The following KAZN variants were observed in gnomAD, a reference collection of about 807,000 sequenced individuals.
The protein encoded by KAZN is kazrin, periplakin interacting protein, also known as kazrin.
A neutral mutation model predicts 87.4 loss-of-function variants in KAZN; 40 were observed. That is an observed-to-expected ratio of 0.46 (90% confidence interval 0.36 to 0.60). The LOEUF (loss-of-function observed/expected upper bound fraction) is 0.60, where lower values mean the gene tolerates loss of function less well. Among genes scored for constraint, KAZN ranks in the 20% least tolerant of loss-of-function variants. The probability of loss-of-function intolerance (pLI) is 0.00; values close to 1 mark genes in which losing one functional copy is unlikely to be tolerated. For missense variants in KAZN, 898 were observed against 1,073.9 expected, an observed-to-expected ratio of 0.84 and a Z score of 2.29; for synonymous variants, 466 against 458.3, an observed-to-expected ratio of 1.02 and a Z score of -0.22.
intron 2 of KAZN, among the ~76,000 whole-genome samples, chr1:14,984,622 C>T (rs1253031045): frequency 2.0e-5 from 3 of 152,136 alleles, no homozygotes; most frequent in Non-Finnish European, 4.4e-5. Context: ...CCACATCTCT[C>T]TATTTCTTGA....
intron 3 of KAZN, 59 bp downstream of exon 3, chr1:15,034,944 C>A (rs1672112823): frequency 3.1e-6 from 5 of 1,594,826 alleles, no homozygotes; most frequent in Admixed American, 3.4e-5. Flanking sequence ...ACCTCCCCTG[C>A]TGGCTGGCCA....
At chr1:13,992,808 A>G (rs1639345793) in intron 1 of KAZN, among the ~76,000 whole-genome samples, 1 of 152,026 alleles carries the variant, frequency 6.6e-6, no homozygotes, top group Non-Finnish European at 1.5e-5. Flanking sequence ...GAGGAGAAAA[A>G]CCAGCTCATC....
At position 14,996,882 on chromosome 1, in the gene KAZN, T is replaced by A; in HGVS notation, c.418+36007T>A. Among the ~76,000 whole-genome samples, 1 of 152,148 alleles carries A rather than the reference T, an allele frequency of 6.6e-6. No homozygotes were observed. The highest frequency in any genetic ancestry group is 1.9e-4 in the East Asian group (1 of 5,176). ...GCGGCCCCATGACCTCGCACCCACC[T>A]CCCTGCCTGACCTCACCGCCCCAGG... On this transcript the variant is annotated intron_variant, in intron 2 of 14. Coordinates refer to ENST00000376030, the MANE Select transcript of KAZN (RefSeq NM_201628.3). This position sits in a 1 kb window ranked among gnomAD's most constrained non-coding sequence, Gnocchi z 5.9.
rs930246949 is a variant in KAZN at position 14,924,103 on chromosome 1, A to T, written c.227-36581A>T. On this transcript the variant is annotated intron_variant, in intron 1 of 14. Transcript: ENST00000376030. ...CCTCGGCAGTCGCCAGCCCGGAAGG[A>T]GCGGGAGGAGGAGCCGCGGGACTGA... The T allele has an allele frequency of 9.2e-6, 9 of 978,652 alleles. No individual in the cohort carries two copies. In the African/African-American group the frequency reaches 1.4e-4, roughly 16 times the overall value. 60.6% of individuals were successfully genotyped at this position (978,652 alleles called of 1,614,324 possible).
chr1:14,104,029 T>C (rs1053765677), intron 1 of KAZN, among the ~76,000 whole-genome samples: 4 of 151,680 alleles, frequency 2.6e-5, no homozygotes, highest in Admixed American at 6.6e-5. Context: ...CTGTGGAGGG[T>C]GTTGGGGGTT....
intron 8 of KAZN, among the ~76,000 whole-genome samples, chr1:15,086,476 G>C (rs1032740623): frequency 2.6e-5 from 4 of 152,156 alleles, no homozygotes; most frequent in African/African-American, 9.7e-5. Flanking sequence ...ATAGGCAAAA[G>C]TTGTAACAGC....
intron 2 of KAZN, among the ~76,000 whole-genome samples, chr1:14,256,826 A>C (rs1650555501): frequency 6.6e-6 from 1 of 152,194 alleles, no homozygotes; most frequent in African/African-American, 2.4e-5. Context: ...GAAGGGCTTT[A>C]GGGGTCTTTT....
intron 2 of KAZN, among the ~76,000 whole-genome samples, chr1:14,419,848 C>T (rs570154351): frequency 6.5e-4 from 99 of 152,224 alleles, no homozygotes; most frequent in African/African-American, 2.1e-3. Flanking sequence ...AGCCAGACAC[C>T]TTTGCGGCGA....
chr1:14,195,131 A>G (rs772748895), intron 2 of KAZN, among the ~76,000 whole-genome samples: 4 of 152,176 alleles, frequency 2.6e-5, no homozygotes, highest in Non-Finnish European at 5.9e-5. Context: ...AAGAAAAAAT[A>G]TATTTTTTTA....
At chr1:14,404,419 T>G (rs1277753105) in intron 2 of KAZN, among the ~76,000 whole-genome samples, 1 of 152,202 alleles carries the variant, frequency 6.6e-6, no homozygotes, top group East Asian at 1.9e-4. Context: ...CACTGCGGAC[T>G]CTGTTGCCCT....
At chr1:14,410,968 G>A (rs1016333573) in intron 2 of KAZN, among the ~76,000 whole-genome samples, 19 of 152,180 alleles carry the variant, frequency 1.2e-4, no homozygotes, top group African/African-American at 2.4e-4. Flanking sequence ...TGTTTAAGCC[G>A]CCAAGTTTCT....
intron 2 of KAZN, among the ~76,000 whole-genome samples, chr1:14,389,551 A>G (rs1269228914): frequency 3.9e-5 from 6 of 152,246 alleles, no homozygotes; most frequent in Non-Finnish European, 8.8e-5. Flanking sequence ...ATTTGTAACA[A>G]CATGGATGAA....
In KAZN at chr1:14,104,158, T is replaced by C. The variant is rs577750769; in HGVS notation, c.92-76277T>C. Among the ~76,000 whole-genome samples the C allele has an allele frequency of 2.0e-5, 3 of 151,952 alleles. No homozygotes were observed. The South Asian group carries it at 6.3e-4, about 32-fold the overall frequency. ...AGAGCTGGGGACGAGGGAGGAAGGG[T>C]CTGGAATATAACACAGCTTGTGGCC... On this transcript the variant is annotated intron_variant, in intron 1 of 16. Coordinates refer to the KAZN transcript ENST00000636203.
chr1:14,149,449 C>G (rs186718527), intron 1 of KAZN, among the ~76,000 whole-genome samples: 52 of 152,212 alleles, frequency 3.4e-4, no homozygotes, highest in African/African-American at 1.3e-3. Flanking sequence ...GCACAGTTCA[C>G]TCTCTTTCTG....
At position 14,983,523 on chromosome 1, in the gene KAZN, G is replaced by GGAAGTCTAGTTCCAT. The variant is rs1553167047; in HGVS notation, c.418+22649_418+22650insAAGTCTAGTTCCATG. ...TGCAAAGTGACGTGACCCCTGTGGGGGGAGCAAAATCACATATGCATTTAC... is the reference window on the plus strand; with the variant it reads ...TGCAAAGTGACGTGACCCCTGTGGGGGAAGTCTAGTTCCATGGAGCAAAATCACATATGCATTTAC... On this transcript the variant is annotated intron_variant, in intron 2 of 14. Coordinates refer to ENST00000376030, the MANE Select transcript of KAZN (RefSeq NM_201628.3). Among the ~76,000 whole-genome samples, 484 of 152,056 alleles carry GGAAGTCTAGTTCCAT rather than the reference G, an allele frequency of 3.2e-3. 3 individuals are homozygous for GGAAGTCTAGTTCCAT. Among genetic ancestry groups the GGAAGTCTAGTTCCAT allele is most frequent in the Middle Eastern group, 0.017 (5 of 294 alleles).
intron 1 of KAZN, among the ~76,000 whole-genome samples, chr1:13,963,759 C>CTG (rs70987708): frequency 0.011 from 1,611 of 141,956 alleles, 21 homozygotes; most frequent in East Asian, 0.029. Flanking sequence ...CTGCTGTGGT[C>CTG]TGTGTGTGTG....
intron 2 of KAZN, among the ~76,000 whole-genome samples, chr1:15,008,523 A>G (rs528588258): frequency 1.3e-5 from 2 of 152,356 alleles, no homozygotes; most frequent in Non-Finnish European, 2.9e-5. Flanking sequence ...CCGGGTTTCC[A>G]GAGCACTTCA....
At chr1:14,292,023 T>C (rs1653737457) in intron 2 of KAZN, among the ~76,000 whole-genome samples, 1 of 152,224 alleles carries the variant, frequency 6.6e-6, no homozygotes, top group African/African-American at 2.4e-5. Flanking sequence ...TATTTCTTCA[T>C]AGCAGCTTGA....
chr1:15,088,804 C>T (rs1013033643), intron 8 of KAZN, among the ~76,000 whole-genome samples: 2 of 151,858 alleles, frequency 1.3e-5, no homozygotes, highest in African/African-American at 4.8e-5. Flanking sequence ...TGAATAGGGG[C>T]GGTGAATAGC....
Sources: allele counts gnomAD v4.1 joint callset (sites outside exome capture counted in the v4.1 genomes callset), GRCh38; gene constraint gnomAD v4.1.1; non-coding constraint Gnocchi (gnomAD v3.1); transcripts MANE v1.5; gene names NCBI Gene and HGNC (gene_info 2026-07-23, HGNC 2026-07-21).